DENND4C: variants seen among roughly 807,000 people sequenced by gnomAD.
DENND4C encodes the protein DENN domain-containing protein 4C.
Under a neutral mutation model 203.0 loss-of-function variants are expected in DENND4C, and 108 were observed. The observed-to-expected ratio is 0.53, with a 90% CI of 0.46 to 0.62. The LOEUF (loss-of-function observed/expected upper bound fraction) is 0.62, where lower values mean the gene tolerates loss of function less well. Ranked by LOEUF, DENND4C falls within the 20% of genes least tolerant of loss-of-function variation. The probability of loss-of-function intolerance (pLI) is 0.00; values close to 1 mark genes in which losing one functional copy is unlikely to be tolerated. For missense variants in DENND4C, 2,481 were observed against 2,301.2 expected (o/e 1.08, Z -1.60); for synonymous variants, 871 against 792.4 (o/e 1.10, Z -1.67).
chr9:19,306,014 T>C (rs1357521896), intron 10 of DENND4C, among the ~76,000 whole-genome samples: 4 of 152,214 alleles, frequency 2.6e-5, no homozygotes. Context: ...TAAAAATCAG[T>C]GATAGTTTGT....
intron 1 of DENND4C, among the ~76,000 whole-genome samples, chr9:19,254,787 A>G (rs980574754): frequency 1.3e-5 from 2 of 152,288 alleles, no homozygotes; most frequent in Admixed American, 1.3e-4. Context: ...ATCATTTTAT[A>G]TACCTTGAAT....
intron 10 of DENND4C, among the ~76,000 whole-genome samples, chr9:19,309,402 A>C (rs546038909): frequency 6.6e-6 from 1 of 151,746 alleles, no homozygotes; most frequent in African/African-American, 2.4e-5. Context: ...AGCCTGGGCA[A>C]TAAGAGCAAA....
Position 19,300,216 on chromosome 9 carries a change from A to G in DENND4C, c.1196A>G (p.Asn399Ser). ...GCCAACTTTAGCACCTTGCTAATGA[A>G]TCTGGGTCCTGAGAATTGTGCAACA... ...SGANFSTLLM[N>S]LGPENCATLL... Residue 399 changes from asparagine to serine, a missense_variant, in exon 9 of 33, where the codon AAT (asparagine) becomes AGT (serine). Coordinates refer to ENST00000434457, the MANE Select transcript of DENND4C (RefSeq NM_001330640.2). The G allele has an allele frequency of 6.2e-7, 1 of 1,611,554 alleles. No homozygotes were observed. The highest frequency in any genetic ancestry group is 8.5e-7 in the Non-Finnish European group (1 of 1,178,144).
intron 1 of DENND4C, among the ~76,000 whole-genome samples, chr9:19,272,284 G>A (rs946058552): frequency 6.6e-6 from 1 of 151,890 alleles, no homozygotes; most frequent in Non-Finnish European, 1.5e-5. Flanking sequence ...GCCAGGCGTG[G>A]TGGGACATGC....
At chr9:19,320,817 C>G (rs1277465686) in intron 12 of DENND4C, among the ~76,000 whole-genome samples, 1 of 152,206 alleles carries the variant, frequency 6.6e-6, no homozygotes, top group Non-Finnish European at 1.5e-5. Flanking sequence ...CTTACTTGGT[C>G]TAGCAGCCTT....
chr9:19,348,033 T>C (rs1432179396), intron 23 of DENND4C, among the ~76,000 whole-genome samples: 1 of 152,228 alleles, frequency 6.6e-6, no homozygotes, highest in Non-Finnish European at 1.5e-5. Flanking sequence ...TTGAGTACTT[T>C]AGTAGATAAG....
At chr9:19,319,384 A>ATATATATACACACACG (rs1842467713) in intron 12 of DENND4C, among the ~76,000 whole-genome samples, 1 of 135,686 alleles carries the variant, frequency 7.4e-6, no homozygotes, top group African/African-American at 3.2e-5. Context: ...ACACATACAT[A>ATATATATACACACACG]TATATATACA....
intron 30 of DENND4C, among the ~76,000 whole-genome samples, chr9:19,362,927 T>G (rs1345669229): frequency 1.3e-5 from 2 of 152,214 alleles, no homozygotes; most frequent in Non-Finnish European, 2.9e-5. Flanking sequence ...TAATTCATAT[T>G]AAAAACATTA....
At chr9:19,367,231 AC>A (rs1827862102) in intron 30 of DENND4C, among the ~76,000 whole-genome samples, 2 of 152,308 alleles carry the variant, frequency 1.3e-5, no homozygotes, top group East Asian at 3.9e-4. Flanking sequence ...ACCCTCAGAC[AC>A]TGTCAGTTAG....
At chr9:19,249,693 GTGTT>G (rs1410642434) in intron 1 of DENND4C, among the ~76,000 whole-genome samples, 3 of 152,194 alleles carry the variant, frequency 2.0e-5, no homozygotes, top group Non-Finnish European at 4.4e-5. Context: ...TTATGTGTGT[GTGTT>G]TGTTTTTGAC....
chr9:19,296,819 A>G lies in DENND4C; in HGVS notation c.1040+573A>G, dbSNP rs184752970. Among the ~76,000 whole-genome samples, 3 of 152,286 alleles carry G rather than the reference A, an allele frequency of 2.0e-5. No individual in the cohort carries two copies. In the East Asian group the frequency reaches 5.8e-4, roughly 29 times the overall value. On this transcript the variant is annotated intron_variant, in intron 6 of 32. Transcript: ENST00000434457. The stretch of plus-strand genomic sequence containing the variant: ...TTATTCTCTAATAACCAAGAGACAA[A>G]TAGTTACTGCTGCACACACACCCAC...
chr9:19,318,907 G>C (rs939566914), intron 12 of DENND4C, among the ~76,000 whole-genome samples: 7 of 152,172 alleles, frequency 4.6e-5, no homozygotes, highest in African/African-American at 1.7e-4. Flanking sequence ...AGTGGCTTAT[G>C]CCTGTAATCC....
At chr9:19,292,582 AT>A (rs1416946187) in intron 5 of DENND4C, 2 of 143,428 alleles carry the variant, frequency 1.4e-5, no homozygotes, top group Non-Finnish European at 3.0e-5. Context: ...CCTCACTCTT[AT>A]CCCCCAGGCT....
At chr9:19,278,901 G>A (rs1725449444) in intron 2 of DENND4C, among the ~76,000 whole-genome samples, 1 of 152,034 alleles carries the variant, frequency 6.6e-6, no homozygotes, top group African/African-American at 2.4e-5. Context: ...TAAGGGAAGG[G>A]GAAGATAGTT....
rs151216063 is a variant in DENND4C, at chr9:19,253,325, C to A, written c.-18+22492C>A. Among the ~76,000 whole-genome samples the A allele has an allele frequency of 2.6e-3, 391 of 152,310 alleles. 1 individual carries two copies. Among genetic ancestry groups the A allele is most frequent in the African/African-American group, 9.2e-3 (384 of 41,572 alleles). On this transcript the variant is annotated intron_variant, in intron 1 of 32. Coordinates refer to ENST00000434457, the MANE Select transcript of DENND4C (RefSeq NM_001330640.2). Reference sequence around the variant, plus strand: ...AGTTCCCACAACTCTTAATATCATGCCCAACGCCTTTTAGGCATTTGTTAT... The same window carrying A: ...AGTTCCCACAACTCTTAATATCATGACCAACGCCTTTTAGGCATTTGTTAT...
At chr9:19,294,414 A>G (rs997791114) in intron 5 of DENND4C, among the ~76,000 whole-genome samples, 5 of 152,182 alleles carry the variant, frequency 3.3e-5, no homozygotes, top group Non-Finnish European at 5.9e-5. Context: ...GTGTGGAGGA[A>G]TTGAACCTGT....
intron 1 of DENND4C, among the ~76,000 whole-genome samples, chr9:19,272,224 A>G (rs1199062027): frequency 6.6e-6 from 1 of 151,922 alleles, no homozygotes; most frequent in Non-Finnish European, 1.5e-5. Flanking sequence ...GTTTGAGACC[A>G]GCCTGGCCAA....
chr9:19,356,163 C>T (rs1825351897), intron 26 of DENND4C, among the ~76,000 whole-genome samples: 1 of 151,968 alleles, frequency 6.6e-6, no homozygotes, highest in Non-Finnish European at 1.5e-5. Flanking sequence ...TAGTCTATCA[C>T]CTATCTGTCT....
At chr9:19,301,462 C>A (rs1220617544) in intron 9 of DENND4C, among the ~76,000 whole-genome samples, 2 of 152,160 alleles carry the variant, frequency 1.3e-5, no homozygotes, top group East Asian at 3.8e-4. Flanking sequence ...TGGGGTATGT[C>A]TCCAAGATCT....
Sources: gnomAD v4.1 joint callset for allele counts (sites outside exome capture counted in the v4.1 genomes callset) on GRCh38, gnomAD v4.1.1 for gene constraint, MANE v1.5 for transcripts, NCBI Gene and HGNC (gene_info 2026-07-23, HGNC 2026-07-21) for gene names.